The following UHRF1 variants were observed in gnomAD, a reference collection of about 807,000 sequenced individuals.
UHRF1 encodes ubiquitin like with PHD and ring finger domains 1.
UHRF1 carries 9 observed loss-of-function variants against 96.5 expected under a neutral mutation model. That is an observed-to-expected ratio of 0.09 (90% CI 0.06 to 0.16). The LOEUF is 0.16. Among genes scored for constraint, UHRF1 ranks in the 10% least tolerant of loss-of-function variants. UHRF1 has a pLI of 1.00. For synonymous variants in UHRF1, 455 were observed against 469.9 expected, an observed-to-expected ratio of 0.97 and a Z score of 0.41; for missense variants, 626 against 1,131.1, an observed-to-expected ratio of 0.55 and a Z score of 6.40.
At chr19:4,905,491 G>A (rs1405084178), upstream of UHRF1, among the ~76,000 whole-genome samples, 1 of 151,250 alleles carries the variant, frequency 6.6e-6, no homozygotes, top group Non-Finnish European at 1.5e-5. Flanking sequence ...GGTATTGTTA[G>A]TGTTAGTGTA....
intron 5 of UHRF1, among the ~76,000 whole-genome samples, chr19:4,940,359 ATT>A (rs543779456): frequency 0.031 from 2,046 of 66,888 alleles, 26 homozygotes; most frequent in African/African-American, 0.11. Context: ...TGCCTTTATG[ATT>A]TTTTTTTTTT....
chr19:4,949,559 T>C (rs2033663029), intron 11 of UHRF1, among the ~76,000 whole-genome samples: 1 of 152,058 alleles, frequency 6.6e-6, no homozygotes, highest in Non-Finnish European at 1.5e-5. Context: ...ATGGGTGGTG[T>C]GTCACATGCC....
chr19:4,910,849 G>C (rs763045533), intron 1 of UHRF1, 27 bp from the exon 2 acceptor site: 1 of 1,579,850 alleles, frequency 6.3e-7, no homozygotes, highest in Non-Finnish European at 8.6e-7. Flanking sequence ...TAAAACTGAT[G>C]GGGGTTTTTG....
chr19:4,909,658 G>A lies in UHRF1; in HGVS notation c.-11+3G>A, dbSNP rs910822605. 2.2e-5 allele frequency: 12 copies of A among 540,898 alleles called. No individual in the cohort carries two copies. The highest frequency in any genetic ancestry group is 1.8e-4 in the African/African-American group (9 of 49,676). 33.5% of individuals were successfully genotyped at this position (540,898 alleles called of 1,614,324 possible). A position where few individuals can be genotyped will look rare whatever the true frequency, so the allele number is the denominator to read the frequency against. ...AGCTGTTCGCGGCGACCGGAGAGGT[G>A]AGCGGGCGGGCCGGGTCGGGGTGCC... On this transcript the variant is annotated splice_donor_region_variant and intron_variant, in intron 1 of 16. Coordinates refer to ENST00000650932, the MANE Select transcript of UHRF1 (RefSeq NM_001048201.3).
At chr19:4,912,079 T>C (rs2032301693) in intron 2 of UHRF1, among the ~76,000 whole-genome samples, 1 of 152,162 alleles carries the variant, frequency 6.6e-6, no homozygotes, top group South Asian at 2.1e-4. Context: ...CTGGCTTGCA[T>C]GCCATAGGAG....
intron 5 of UHRF1, among the ~76,000 whole-genome samples, chr19:4,937,070 CT>C (rs1337470029): frequency 3.3e-5 from 5 of 151,888 alleles, no homozygotes. Flanking sequence ...GTCTCGCTCT[CT>C]TTTGTTCTCC....
Position 4,956,839 on chromosome 19 carries a change from G to C in UHRF1, c.2235+26G>C, listed in dbSNP as rs185432045. 4.6e-6 allele frequency: 7 copies of C among 1,537,534 alleles called. No homozygotes were observed. The East Asian group carries it at 1.2e-4, about 26-fold the overall frequency. On this transcript the variant is annotated intron_variant, in intron 16 of 16. Transcript: ENST00000650932. The stretch of plus-strand genomic sequence containing the variant: ...GTGAGTAGAGATGGCCGCGGGAGCC[G>C]GGTGGAAGGTTCTGGAAGGATGACC...
At position 4,917,075 on chromosome 19, in the gene UHRF1, G is replaced by T. The variant is rs917564901; in HGVS notation, c.153+6037G>T. 1.2e-4 allele frequency among the ~76,000 whole-genome samples: 18 copies of T among 151,508 alleles called. 1 individual carries two copies. Among genetic ancestry groups the T allele is most frequent in the Admixed American group, 6.6e-4 (10 of 15,162 alleles). On this transcript the variant is annotated intron_variant, in intron 2 of 16. Coordinates refer to ENST00000650932, the MANE Select transcript of UHRF1 (RefSeq NM_001048201.3). ...GTAGGAAGTGGGCAGCTCGGTGGGG[G>T]GGGGGGGTGCAGTGAGCTTTTAGTC...
intron 11 of UHRF1, among the ~76,000 whole-genome samples, chr19:4,948,883 G>T (rs955015834): frequency 2.0e-5 from 3 of 151,382 alleles, no homozygotes; most frequent in African/African-American, 7.3e-5. Context: ...CAGCACTTTG[G>T]GAGGCTGAGG....
chr19:4,936,549 A>C (rs1331872627), intron 5 of UHRF1, among the ~76,000 whole-genome samples: 7 of 152,102 alleles, frequency 4.6e-5, no homozygotes, highest in Admixed American at 6.6e-5. Flanking sequence ...TTCTAAATGC[A>C]AGCCCTCTAC....
chr19:4,947,519 T>TTTTTTTTTTG (rs1568428019), intron 11 of UHRF1, among the ~76,000 whole-genome samples: 4 of 132,060 alleles, frequency 3.0e-5, no homozygotes, highest in South Asian at 2.6e-4. Flanking sequence ...TTTTTTTTTT[T>TTTTTTTTTTG]GGGCAGAGTC....
intron 4 of UHRF1, among the ~76,000 whole-genome samples, chr19:4,931,856 G>A (rs2033062979): frequency 6.6e-6 from 1 of 151,878 alleles, no homozygotes; most frequent in African/African-American, 2.4e-5. Context: ...CATCTCCCGG[G>A]TTCAAACGAT....
In UHRF1 at chr19:4,954,895, T is replaced by G. The variant is rs144848082; in HGVS notation, c.2130+73T>G. On this transcript the variant is annotated intron_variant, in intron 15 of 16. Transcript: ENST00000650932. The surrounding 1 kb of genome is among the most constrained non-coding windows in gnomAD (Gnocchi z 5.9). The stretch of plus-strand genomic sequence containing the variant: ...TAAAATGTGTGGGGCTTGTTTCCCA[T>G]GTTCCCCATTTTCAAGTGTACAGCT... 6.4e-7 allele frequency: 1 copy of G among 1,567,992 alleles called. No individual in the cohort carries two copies. The highest frequency in any genetic ancestry group is 2.2e-5 in the East Asian group (1 of 44,508).
intron 2 of UHRF1, among the ~76,000 whole-genome samples, chr19:4,921,238 G>A (rs1339320665): frequency 6.6e-6 from 1 of 152,058 alleles, no homozygotes; most frequent in East Asian, 1.9e-4. Context: ...TGGGGATTTC[G>A]AGACCAGCCT....
intron 5 of UHRF1, among the ~76,000 whole-genome samples, chr19:4,933,876 C>T (rs373553194): frequency 2.6e-5 from 4 of 151,666 alleles, no homozygotes; most frequent in East Asian, 1.9e-4. Context: ...AGAGACTATG[C>T]GGCCTACAAA....
At chr19:4,916,144 C>CA (rs968600085) in intron 2 of UHRF1, among the ~76,000 whole-genome samples, 4 of 151,852 alleles carry the variant, frequency 2.6e-5, no homozygotes, top group African/African-American at 9.7e-5. Context: ...CCCGTCTCTA[C>CA]AAAAAATGAA....
intron 2 of UHRF1, among the ~76,000 whole-genome samples, chr19:4,918,621 T>G (rs1283772930): frequency 6.6e-6 from 1 of 151,328 alleles, no homozygotes; most frequent in Non-Finnish European, 1.5e-5. Context: ...TCCATATTGG[T>G]CAGGCTGGTC....
At chr19:4,928,872 T>C (rs369950911) in intron 2 of UHRF1, among the ~76,000 whole-genome samples, 8 of 152,270 alleles carry the variant, frequency 5.3e-5, no homozygotes, top group African/African-American at 1.9e-4. Context: ...AGGTGACACA[T>C]GTTCACTGTC....
In UHRF1 at chr19:4,944,275, C is replaced by T. The variant is rs770333463; in HGVS notation, c.1197+20C>T. 1.9e-5 allele frequency: 30 copies of T among 1,613,972 alleles called. No individual in the cohort carries two copies. The highest frequency in any genetic ancestry group is 1.6e-4 in the Middle Eastern group (1 of 6,062). Reference sequence around the variant, plus strand: ...GGCAAGGTGAGGCGGGTCCTTCCCACGTGCCCGTGGCCCCTCCCCGCCTGC... The same window carrying T: ...GGCAAGGTGAGGCGGGTCCTTCCCATGTGCCCGTGGCCCCTCCCCGCCTGC... On this transcript the variant is annotated intron_variant, in intron 8 of 16. Transcript: ENST00000650932.
Sources: gnomAD v4.1 joint callset for allele counts (sites outside exome capture counted in the v4.1 genomes callset) on GRCh38, gnomAD v4.1.1 for gene constraint, Gnocchi (gnomAD v3.1) non-coding constraint, MANE v1.5 for transcripts, NCBI Gene and HGNC (gene_info 2026-07-23, HGNC 2026-07-21) for gene names.